Variants in CDH7 observed in about 807,000 individuals in gnomAD.
The protein encoded by CDH7 is cadherin-7.
CDH7 carries 25 observed loss-of-function variants against 71.8 expected under a neutral mutation model. The observed-to-expected ratio is 0.35, with a 90% CI of 0.25 to 0.49. The LOEUF (loss-of-function observed/expected upper bound fraction) is 0.49. CDH7 is among the 20% of genes least tolerant of loss of function. The pLI is 0.99. For missense variants in CDH7, 862 were observed against 974.6 expected, an observed-to-expected ratio of 0.88 and a Z score of 1.54; for synonymous variants, 381 against 363.8, an observed-to-expected ratio of 1.05 and a Z score of -0.54.
At position 65,781,235 on chromosome 18, in the gene CDH7, G is replaced by A. The variant is rs113423932; in HGVS notation, c.210+18183G>A. Among the ~76,000 whole-genome samples the A allele has an allele frequency of 1.5e-3, 234 of 152,166 alleles. 2 individuals are homozygous for A. Among genetic ancestry groups the A allele is most frequent in the African/African-American group, 5.3e-3 (222 of 41,510 alleles). ...CTGAATCCTCAGATTCGAGAGTGGT[G>A]CTTACTGCCCTTTTACATAGATTAG... On this transcript the variant is annotated intron_variant, in intron 2 of 11. Transcript: ENST00000397968.
chr18:65,812,350 G>C (rs915215187), intron 3 of CDH7, among the ~76,000 whole-genome samples: 1 of 152,088 alleles, frequency 6.6e-6, no homozygotes, highest in African/African-American at 2.4e-5. Context: ...ATTTTCTGAT[G>C]TCTTCAGGGT....
chr18:65,853,910 T>TATATATATATATATATATATATATCC (rs1913237888), intron 7 of CDH7, among the ~76,000 whole-genome samples: 1 of 11,490 alleles, frequency 8.7e-5, no homozygotes, highest in African/African-American at 7.0e-4. Context: ...AATTACCATA[T>TATATATATATATATATATATATATCC]ATATATATAT....
chr18:65,801,157 G>A (rs1322351292), intron 2 of CDH7, among the ~76,000 whole-genome samples: 1 of 152,060 alleles, frequency 6.6e-6, no homozygotes, highest in South Asian at 2.1e-4. Flanking sequence ...ACCCCTTCTG[G>A]TTTTCATCCA....
chr18:65,848,679 A>G (rs1913021333), intron 7 of CDH7, among the ~76,000 whole-genome samples: 1 of 147,162 alleles, frequency 6.8e-6, no homozygotes, highest in South Asian at 2.1e-4. Context: ...TTCCTATACT[A>G]AAAATGGCCA....
intron 6 of CDH7, among the ~76,000 whole-genome samples, chr18:65,835,169 G>A (rs148506135): frequency 4.6e-5 from 7 of 152,242 alleles, no homozygotes; most frequent in African/African-American, 1.4e-4. Flanking sequence ...AAGAACAGAG[G>A]TTGTATGGTC....
intron 6 of CDH7, among the ~76,000 whole-genome samples, chr18:65,837,757 G>A (rs571144511): frequency 6.6e-6 from 1 of 152,072 alleles, no homozygotes; most frequent in South Asian, 2.1e-4. Context: ...AAATAGAAAC[G>A]ACAGAATGCA....
At chr18:65,840,032 T>C (rs1166047988) in intron 6 of CDH7, among the ~76,000 whole-genome samples, 1 of 152,164 alleles carries the variant, frequency 6.6e-6, no homozygotes, top group African/African-American at 2.4e-5. Flanking sequence ...CTATCAAAAA[T>C]TATTATTTGC....
chr18:65,890,231 T>C lies in CDH7; in HGVS notation c.*9337T>C, dbSNP rs1033889683. On this transcript the variant is annotated 3_prime_UTR_variant, in exon 12 of 12. Transcript: ENST00000397968. ...CAATATTGTTATAAATTTATGAAGC[T>C]TCAATTCTAGCAAAAATAAACTATG... 1 of 152,200 alleles carries C rather than the reference T, an allele frequency of 6.6e-6. No individual in the cohort carries two copies. Among genetic ancestry groups the C allele is most frequent in the African/African-American group, 2.4e-5 (1 of 41,444 alleles). The allele number at this position is 152,200 out of a possible 1,614,324, so 9.4% of individuals were successfully genotyped here.
chr18:65,869,994 C>T (rs903364952), intron 11 of CDH7, among the ~76,000 whole-genome samples: 18 of 151,972 alleles, frequency 1.2e-4, no homozygotes, highest in Non-Finnish European at 1.5e-4. Flanking sequence ...CTTAACTCTA[C>T]AGAAAAATTG....
chr18:65,848,674 A>G (rs935962721), intron 7 of CDH7, among the ~76,000 whole-genome samples: 20 of 151,920 alleles, frequency 1.3e-4, no homozygotes, highest in African/African-American at 4.9e-4. Flanking sequence ...CAAAGTTCCT[A>G]TACTAAAAAT....
chr18:65,848,869 A>G (rs1913029356), intron 7 of CDH7, among the ~76,000 whole-genome samples: 1 of 152,176 alleles, frequency 6.6e-6, no homozygotes. Context: ...CTAGTATTGT[A>G]TATCCTCACA....
Position 65,889,539 on chromosome 18 carries a change from T to C in CDH7, c.*8645T>C, listed in dbSNP as rs1914454146. The C allele has an allele frequency of 1.3e-5, 2 of 152,160 alleles. No individual in the cohort carries two copies. The allele number at this position is 152,160 out of a possible 1,614,324, so 9.4% of individuals were successfully genotyped here. The stretch of plus-strand genomic sequence containing the variant: ...AACCCACCATGAAGGAGATGGTTCA[T>C]AGAAATCTCCAAGAACTTCAGATAA... On this transcript the variant is annotated 3_prime_UTR_variant, in exon 12 of 12. Coordinates refer to ENST00000397968, the MANE Select transcript of CDH7 (RefSeq NM_004361.5).
intron 2 of CDH7, among the ~76,000 whole-genome samples, chr18:65,782,175 T>C (rs1370945841): frequency 1.5e-5 from 2 of 134,306 alleles, no homozygotes; most frequent in Admixed American, 7.6e-5. Context: ...CCTTTCTTTC[T>C]TTCTTTCTTT....
chr18:65,884,971 T>C lies in CDH7; in HGVS notation c.*4077T>C, dbSNP rs528204132. 1 of 152,330 alleles carries C rather than the reference T, an allele frequency of 6.6e-6. No individual in the cohort carries two copies. Among genetic ancestry groups the C allele is most frequent in the East Asian group, 1.9e-4 (1 of 5,180 alleles). The allele number at this position is 152,330 out of a possible 1,614,324, so 9.4% of individuals were successfully genotyped here. On this transcript the variant is annotated 3_prime_UTR_variant, in exon 12 of 12. Coordinates refer to ENST00000397968, the MANE Select transcript of CDH7 (RefSeq NM_004361.5). ...ACGATGCCTGGAGGCAAGTGAAATA[T>C]ATATGACAAATAATAGATAAACCAA...
At chr18:65,757,773 A>T (rs1356063000) in intron 1 of CDH7, among the ~76,000 whole-genome samples, 1 of 131,840 alleles carries the variant, frequency 7.6e-6, no homozygotes, top group Admixed American at 7.3e-5. Flanking sequence ...CTTCAACTGT[A>T]TATCCATATA....
intron 11 of CDH7, among the ~76,000 whole-genome samples, chr18:65,872,935 T>TA (rs1015401180): frequency 7.9e-5 from 12 of 150,996 alleles, no homozygotes; most frequent in African/African-American, 2.7e-4. Flanking sequence ...TATAAAAATT[T>TA]AAAAAAATTT....
At chr18:65,815,467 G>A (rs988410146) in intron 4 of CDH7, among the ~76,000 whole-genome samples, 5 of 152,126 alleles carry the variant, frequency 3.3e-5, no homozygotes, top group African/African-American at 1.2e-4. Flanking sequence ...AATCCTAAAT[G>A]AATATTTTAA....
intron 3 of CDH7, among the ~76,000 whole-genome samples, chr18:65,814,220 G>A (rs1911641658): frequency 6.9e-6 from 1 of 145,360 alleles, no homozygotes. Context: ...GTATATCCCA[G>A]CCTAATGTGC....
intron 7 of CDH7, among the ~76,000 whole-genome samples, chr18:65,854,221 A>T (rs1029911203): frequency 6.6e-6 from 1 of 151,756 alleles, no homozygotes; most frequent in Non-Finnish European, 1.5e-5. Flanking sequence ...TGGGAGGATC[A>T]CTTGAGCCTG....
Sources: gnomAD v4.1 joint callset for allele counts (sites outside exome capture counted in the v4.1 genomes callset) on GRCh38, gnomAD v4.1.1 for gene constraint, MANE v1.5 for transcripts, NCBI Gene and HGNC (gene_info 2026-07-23, HGNC 2026-07-21) for gene names.